The following SEMA3E variants were observed in gnomAD, a reference collection of about 807,000 sequenced individuals.
The protein encoded by SEMA3E is semaphorin-3E.
Under a neutral mutation model 93.6 loss-of-function variants are expected in SEMA3E, and 49 were observed. The observed-to-expected ratio is 0.52, with a 90% CI of 0.42 to 0.66. SEMA3E has a LOEUF of 0.66. Among genes scored for constraint, SEMA3E ranks in the 30% least tolerant of loss-of-function variants. SEMA3E has a pLI of 0.00. For synonymous variants in SEMA3E, 363 were observed against 330.7 expected (o/e 1.10, Z -1.06); for missense variants, 906 against 964.8 (o/e 0.94, Z 0.81).
intron 1 of SEMA3E, among the ~76,000 whole-genome samples, chr7:83,532,303 A>T (rs995428428): frequency 6.6e-6 from 1 of 152,208 alleles, no homozygotes; most frequent in Non-Finnish European, 1.5e-5. Context: ...TCCATACTCC[A>T]CTGTCTTTCC....
chr7:83,532,990 A>C (rs1315212979), intron 1 of SEMA3E, among the ~76,000 whole-genome samples: 1 of 152,138 alleles, frequency 6.6e-6, no homozygotes, highest in Non-Finnish European at 1.5e-5. Flanking sequence ...ATTAATGTTT[A>C]CATGGTTTCC....
intron 16 of SEMA3E, 102 bp from the exon 17 acceptor site, chr7:83,368,140 T>C: frequency 1.9e-6 from 2 of 1,027,672 alleles, no homozygotes; most frequent in South Asian, 2.6e-5. Context: ...ATTTTCACTG[T>C]CACATAATGA....
At chr7:83,426,249 C>T (rs1306363660) in intron 4 of SEMA3E, among the ~76,000 whole-genome samples, 1 of 152,106 alleles carries the variant, frequency 6.6e-6, no homozygotes, top group Admixed American at 6.6e-5. Flanking sequence ...GAAAATAAAT[C>T]ATTCTACCAA....
At chr7:83,507,991 G>A (rs1790739032) in intron 1 of SEMA3E, among the ~76,000 whole-genome samples, 1 of 151,856 alleles carries the variant, frequency 6.6e-6, no homozygotes, top group Non-Finnish European at 1.5e-5. Flanking sequence ...CAAGAAATGA[G>A]CATATCAGTT....
intron 1 of SEMA3E, chr7:83,612,472 T>C (rs968238451): frequency 1.3e-5 from 2 of 152,128 alleles, no homozygotes; most frequent in Non-Finnish European, 2.9e-5. Flanking sequence ...AATAGGTATA[T>C]CTTACAAATG....
intron 4 of SEMA3E, among the ~76,000 whole-genome samples, chr7:83,458,340 G>GTA (rs1175550087): frequency 1.3e-5 from 2 of 151,260 alleles, no homozygotes; most frequent in Non-Finnish European, 1.5e-5. Flanking sequence ...CTATATATAT[G>GTA]TATATATATT....
chr7:83,558,219 A>G (rs943907131), intron 1 of SEMA3E, among the ~76,000 whole-genome samples: 3 of 152,176 alleles, frequency 2.0e-5, no homozygotes, highest in African/African-American at 7.2e-5. Context: ...TATTTTTTAA[A>G]GACAAAGATT....
At position 83,481,464 on chromosome 7, in the gene SEMA3E, T is replaced by C. The variant is rs2115942670; in HGVS notation, c.276+8650A>G. Among the ~76,000 whole-genome samples the C allele has an allele frequency of 2.0e-5, 3 of 152,256 alleles. No individual in the cohort carries two copies. The East Asian group carries it at 5.8e-4, about 29-fold the overall frequency. On this transcript the variant is annotated intron_variant, in intron 2 of 16. Transcript: ENST00000643230. The stretch of plus-strand genomic sequence containing the variant: ...AATCAAAATTCTCATCTAAGAAGTC[T>C]TACATTATCTGGGGATTTTAGAGAC...
chr7:83,487,515 C>T (rs1177031003), intron 2 of SEMA3E, among the ~76,000 whole-genome samples: 2 of 151,730 alleles, frequency 1.3e-5, no homozygotes. Flanking sequence ...TTAGATACTC[C>T]TTCACAGAAA....
intron 1 of SEMA3E, among the ~76,000 whole-genome samples, chr7:83,519,120 G>C (rs12533046): frequency 0.53 from 79,127 of 149,734 alleles, 23,166 homozygotes; most frequent in Middle Eastern, 0.7. Flanking sequence ...ATCCCTCCCC[G>C]CTACCCCCAC....
chr7:83,408,563 ATGTG>A, intron 5 of SEMA3E, 76 bp from the exon 6 acceptor site: 1 of 1,404,140 alleles, frequency 7.1e-7, no homozygotes, highest in South Asian at 1.2e-5. Context: ...CAAATTTAAT[ATGTG>A]TATCTATAAT....
At chr7:83,518,221 T>C (rs1450741481) in intron 1 of SEMA3E, among the ~76,000 whole-genome samples, 1 of 151,990 alleles carries the variant, frequency 6.6e-6, no homozygotes, top group Non-Finnish European at 1.5e-5. Flanking sequence ...ATGGACAAGA[T>C]GCACACAGAA....
At chr7:83,438,911 T>C (rs938854197) in intron 4 of SEMA3E, among the ~76,000 whole-genome samples, 1 of 152,172 alleles carries the variant, frequency 6.6e-6, no homozygotes, top group Admixed American at 6.5e-5. Context: ...TGACTCCAAG[T>C]TAACTTTAAG....
chr7:83,383,981 C>A (rs964129726), intron 16 of SEMA3E, among the ~76,000 whole-genome samples: 2 of 152,034 alleles, frequency 1.3e-5, no homozygotes, highest in Non-Finnish European at 2.9e-5. Flanking sequence ...AACAACTTAA[C>A]TCAGTGCAAT....
chr7:83,523,065 C>T (rs34095449), intron 1 of SEMA3E, among the ~76,000 whole-genome samples: 81,995 of 151,900 alleles, frequency 0.54, 24,094 homozygotes, highest in Middle Eastern at 0.71. Flanking sequence ...GGGGTGAATC[C>T]GAGGAAATAG....
intron 1 of SEMA3E, among the ~76,000 whole-genome samples, chr7:83,632,143 G>A (rs559740145): frequency 1.8e-3 from 263 of 149,886 alleles, no homozygotes; most frequent in African/African-American, 6.2e-3. Context: ...CAACAAAGGT[G>A]GAACTCCATC....
chr7:83,462,715 C>A (rs1183082146), intron 4 of SEMA3E, among the ~76,000 whole-genome samples: 1 of 147,532 alleles, frequency 6.8e-6, no homozygotes, highest in Admixed American at 6.8e-5. Flanking sequence ...TACAGCATGT[C>A]CTTTTAAAGC....
chr7:83,512,144 T>G (rs2115652248), intron 1 of SEMA3E, among the ~76,000 whole-genome samples: 1 of 152,304 alleles, frequency 6.6e-6, no homozygotes, highest in Non-Finnish European at 1.5e-5. Context: ...AAAATGGTTT[T>G]ATTTCACTGA....
At chr7:83,440,738 G>T (rs1285527479) in intron 4 of SEMA3E, among the ~76,000 whole-genome samples, 1 of 151,042 alleles carries the variant, frequency 6.6e-6, no homozygotes, top group Non-Finnish European at 1.5e-5. Flanking sequence ...GGAGGTGGAG[G>T]TTGCAGTGAG....
Sources: gnomAD v4.1 joint callset for allele counts (sites outside exome capture counted in the v4.1 genomes callset) on GRCh38, gnomAD v4.1.1 for gene constraint, MANE v1.5 for transcripts, NCBI Gene and HGNC (gene_info 2026-07-23, HGNC 2026-07-21) for gene names.